Variants in ANXA3 observed in about 807,000 individuals in gnomAD.
ANXA3 encodes 35-alpha calcimedin.
A neutral mutation model predicts 48.8 loss-of-function variants in ANXA3; 46 were observed. The ratio of observed to expected loss-of-function variants is 0.94; its 90% CI spans 0.74 to 1.21. The LOEUF (loss-of-function observed/expected upper bound fraction) is 1.21. Among genes scored for constraint, ANXA3 ranks in the 50% most tolerant of loss-of-function variants. The pLI is 0.00. For synonymous variants in ANXA3, 128 were observed against 134.7 expected, an observed-to-expected ratio of 0.95 and a Z score of 0.35; for missense variants, 383 against 378.6, an observed-to-expected ratio of 1.01 and a Z score of -0.10.
chr4:78,563,533 C>T (rs1722667821), intron 2 of ANXA3, among the ~76,000 whole-genome samples: 1 of 151,742 alleles, frequency 6.6e-6, no homozygotes, highest in Admixed American at 6.6e-5. Context: ...GTCACGTCTT[C>T]TGCCATGTGA....
intron 11 of ANXA3, 177 bp downstream of exon 11, chr4:78,601,745 G>T: frequency 2.0e-6 from 1 of 491,498 alleles, no homozygotes; most frequent in Non-Finnish European, 3.6e-6. Context: ...ACAGACACCT[G>T]ATTTTCTCTT....
At chr4:78,605,334 T>A (rs1310985397) in intron 12 of ANXA3, among the ~76,000 whole-genome samples, 1 of 152,216 alleles carries the variant, frequency 6.6e-6, no homozygotes, top group Non-Finnish European at 1.5e-5. Flanking sequence ...CTCAGTGTAG[T>A]TGTAATATAC....
chr4:78,604,906 T>C (rs1363326468), intron 12 of ANXA3, among the ~76,000 whole-genome samples: 1 of 152,192 alleles, frequency 6.6e-6, no homozygotes, highest in Non-Finnish European at 1.5e-5. Flanking sequence ...TCCAGTTTAT[T>C]GCTATTGCAA....
intron 9 of ANXA3, 24 bp from the exon 10 acceptor site, chr4:78,597,295 T>C (rs766373060): frequency 6.7e-7 from 1 of 1,482,584 alleles, no homozygotes; most frequent in East Asian, 2.3e-5. Flanking sequence ...TTGCTTTAAA[T>C]AATTTTGTGG....
intron 2 of ANXA3, among the ~76,000 whole-genome samples, chr4:78,569,264 A>AT (rs372266429): frequency 1.3e-3 from 188 of 146,950 alleles, no homozygotes; most frequent in African/African-American, 2.2e-3. Flanking sequence ...ATCAAAGGCA[A>AT]TTTTTTTTTT....
At chr4:78,578,919 T>C (rs1578396711) in intron 3 of ANXA3, 108 bp from the exon 4 acceptor site, 1 of 427,592 alleles carries the variant, frequency 2.3e-6, no homozygotes, top group East Asian at 3.7e-5. Context: ...TGCTAGAAAT[T>C]AAAATGCCTT....
At chr4:78,558,646 G>A (rs1039982460) in intron 2 of ANXA3, among the ~76,000 whole-genome samples, 1 of 152,172 alleles carries the variant, frequency 6.6e-6, no homozygotes, top group Non-Finnish European at 1.5e-5. Context: ...TAGGAGTGTT[G>A]CAACCCTACC....
chr4:78,601,088 C>T (rs528973016), intron 10 of ANXA3, among the ~76,000 whole-genome samples: 3 of 152,212 alleles, frequency 2.0e-5, no homozygotes, highest in African/African-American at 7.2e-5. Context: ...CCCCTGCGTG[C>T]CTAATGAGTT....
chr4:78,563,542 G>A (rs1423135664), intron 2 of ANXA3, among the ~76,000 whole-genome samples: 2 of 152,056 alleles, frequency 1.3e-5, no homozygotes, highest in Non-Finnish European at 2.9e-5. Context: ...TCTGCCATGT[G>A]AGAACACAGC....
chr4:78,578,755 C>G (rs544127457), intron 3 of ANXA3, among the ~76,000 whole-genome samples: 8 of 152,046 alleles, frequency 5.3e-5, no homozygotes, highest in African/African-American at 1.9e-4. Context: ...GTTGTTTTGT[C>G]TGATGTACAG....
At chr4:78,573,729 G>C (rs1392331467) in intron 3 of ANXA3, among the ~76,000 whole-genome samples, 1 of 152,234 alleles carries the variant, frequency 6.6e-6, no homozygotes, top group African/African-American at 2.4e-5. Context: ...GGGTGGAATA[G>C]TCATGAAGAT....
At chr4:78,603,490 G>T (rs1040647444) in intron 11 of ANXA3, 10 of 151,990 alleles carry the variant, frequency 6.6e-5, no homozygotes, top group African/African-American at 2.4e-4. Flanking sequence ...TTATTCTAAG[G>T]ATGGCCATCA....
Position 78,601,587 on chromosome 4 carries a change from T to C in ANXA3, c.789+19T>C, listed in dbSNP as rs777974530. 7 of 1,611,012 alleles carry C rather than the reference T, an allele frequency of 4.3e-6. No homozygotes were observed. The highest frequency in any genetic ancestry group is 5.9e-6 in the Non-Finnish European group (7 of 1,177,332). On this transcript the variant is annotated intron_variant, in intron 11 of 12. Coordinates refer to ENST00000264908, the MANE Select transcript of ANXA3 (RefSeq NM_005139.3). ...CTTGAAGGTTGGTCTGGAAAGTTCA[T>C]GTGCATTCTTAGCGTCCCTTAATTC...
intron 6 of ANXA3, among the ~76,000 whole-genome samples, chr4:78,591,053 G>A (rs1469863751): frequency 1.3e-5 from 2 of 152,194 alleles, no homozygotes; most frequent in African/African-American, 2.4e-5. Context: ...GATGAACATG[G>A]CCTCATCCCT....
Position 78,604,374 on chromosome 4 carries a change from G to T in ANXA3, c.887G>T (p.Gly296Val), listed in dbSNP as rs775881033. ...DIRTEFKKHY[G>V]YSLYSAIKSD... ...CGAACAGAGTTCAAGAAGCATTATG[G>T]CTATTCCCTATATTCAGCAATTAAA... Residue 296 changes from glycine (G) to valine (V), a missense_variant, in exon 12 of 13, where the codon GGC (glycine) becomes GTC (valine). Coordinates refer to ENST00000264908, the MANE Select transcript of ANXA3 (RefSeq NM_005139.3). 6.2e-7 allele frequency: 1 copy of T among 1,612,704 alleles called. No individual in the cohort carries two copies. Among genetic ancestry groups the T allele is most frequent in the Non-Finnish European group, 8.5e-7 (1 of 1,179,254 alleles).
intron 10 of ANXA3, 83 bp downstream of exon 10, chr4:78,597,497 T>TC: frequency 1.2e-6 from 1 of 854,396 alleles, no homozygotes; most frequent in Non-Finnish European, 1.9e-6. Flanking sequence ...TGGGCAAGAA[T>TC]CCTGACTGAT....
intron 10 of ANXA3, 83 bp downstream of exon 10, chr4:78,597,497 T>C: frequency 2.3e-6 from 2 of 854,396 alleles, no homozygotes; most frequent in Non-Finnish European, 3.7e-6. Context: ...TGGGCAAGAA[T>C]CCTGACTGAT....
intron 2 of ANXA3, among the ~76,000 whole-genome samples, chr4:78,568,988 A>T (rs1722785224): frequency 6.6e-6 from 1 of 152,268 alleles, no homozygotes; most frequent in African/African-American, 2.4e-5. Context: ...AAAAGGATTT[A>T]TTATATCTAC....
At chr4:78,556,154 T>C (rs1469514808) in intron 2 of ANXA3, among the ~76,000 whole-genome samples, 1 of 152,196 alleles carries the variant, frequency 6.6e-6, no homozygotes, top group African/African-American at 2.4e-5. Flanking sequence ...CCAAGTACAT[T>C]TGTTTGTATT....
Sources: allele counts gnomAD v4.1 joint callset (sites outside exome capture counted in the v4.1 genomes callset), GRCh38; gene constraint gnomAD v4.1.1; transcripts MANE v1.5; gene names NCBI Gene and HGNC (gene_info 2026-07-23, HGNC 2026-07-21).